Variants in PREP observed in about 807,000 individuals in gnomAD.
PREP encodes dJ355L5.1 (prolyl endopeptidase).
PREP carries 29 observed loss-of-function variants against 87.6 expected under a neutral mutation model. The ratio of observed to expected loss-of-function variants is 0.33; its 90% CI spans 0.25 to 0.45. The LOEUF is 0.45. Ranked by LOEUF, PREP falls within the 20% of genes least tolerant of loss-of-function variation. The pLI, the probability that PREP is intolerant of heterozygous loss-of-function variation, is 1.00. For missense variants in PREP, 695 were observed against 886.5 expected (o/e 0.78, Z 2.74); for synonymous variants, 337 against 328.6 (o/e 1.03, Z -0.28).
Position 105,278,482 on chromosome 6 carries a change from G to A in PREP, c.1839-44C>T. The A allele has an allele frequency of 1.3e-6, 2 of 1,557,770 alleles. No individual in the cohort carries two copies. Among genetic ancestry groups the A allele is most frequent in the Non-Finnish European group, 1.8e-6 (2 of 1,139,604 alleles). The stretch of plus-strand genomic sequence containing the variant: ...TTTGTGAGGCTGGAGAGCAACAGTA[G>A]AGTTTTATGGCACAGGGACCTAGGT... On this transcript the variant is annotated intron_variant, in intron 14 of 14. Transcript: ENST00000652536. The surrounding 1 kb of genome is among the most constrained non-coding windows in gnomAD (Gnocchi z 4.2).
In PREP at chr6:105,403,036, C is replaced by G. The variant is rs1253143313; in HGVS notation, c.-145G>C. 1 of 308,558 alleles carries G rather than the reference C, an allele frequency of 3.2e-6. No individual in the cohort carries two copies. The highest frequency in any genetic ancestry group is 5.8e-6 in the Non-Finnish European group (1 of 171,512). The allele number at this position is 308,558 out of a possible 1,614,324, so 19.1% of individuals were successfully genotyped here. On this transcript the variant is annotated 5_prime_UTR_variant, in exon 1 of 15. Transcript: ENST00000652536. ...GCGGGCGGCCGGCTCACGGCCAGAG[C>G]TAGCACAAACGGACTGGCGGCGCGG...
chr6:105,333,088 T>G (rs184993057), intron 8 of PREP, among the ~76,000 whole-genome samples: 3 of 152,350 alleles, frequency 2.0e-5, no homozygotes, highest in African/African-American at 7.2e-5. Flanking sequence ...AATCCTATCT[T>G]TACAATTTTT....
At chr6:105,346,990 C>T (rs935003726) in intron 7 of PREP, among the ~76,000 whole-genome samples, 2 of 152,018 alleles carry the variant, frequency 1.3e-5, no homozygotes, top group Admixed American at 1.3e-4. Flanking sequence ...ATCCTAGCTA[C>T]TTGAGAGGCT....
At chr6:105,321,911 G>A (rs955882426) in intron 10 of PREP, among the ~76,000 whole-genome samples, 1 of 152,148 alleles carries the variant, frequency 6.6e-6, no homozygotes, top group African/African-American at 2.4e-5. Context: ...CTGAGAGTGT[G>A]CTCTTGAGAG....
intron 10 of PREP, among the ~76,000 whole-genome samples, chr6:105,312,194 G>A (rs1294254406): frequency 2.6e-5 from 4 of 152,114 alleles, no homozygotes; most frequent in East Asian, 1.9e-4. Context: ...TACCTGAACT[G>A]AGATCAAAAA....
rs1176657575 is a variant in PREP, at chr6:105,273,945, C to G, written c.*4199G>C. ...CGGGTCTTTGTCCGAATGTTGCTTC[C>G]TGAAAGAGGCACCCTGACCTCGACT... On this transcript the variant is annotated 3_prime_UTR_variant, in exon 15 of 15. Transcript: ENST00000652536. Among the ~76,000 whole-genome samples, 1 of 152,210 alleles carries G rather than the reference C, an allele frequency of 6.6e-6. No homozygotes were observed. The highest frequency in any genetic ancestry group is 1.9e-4 in the East Asian group (1 of 5,196).
At chr6:105,354,167 A>G (rs945708414) in intron 6 of PREP, among the ~76,000 whole-genome samples, 3 of 152,202 alleles carry the variant, frequency 2.0e-5, no homozygotes, top group African/African-American at 4.8e-5. Context: ...CAATCCAGAA[A>G]TATACCACCA....
chr6:105,311,817 A>C (rs1770766580), intron 10 of PREP, among the ~76,000 whole-genome samples: 1 of 152,202 alleles, frequency 6.6e-6, no homozygotes, highest in African/African-American at 2.4e-5. Flanking sequence ...GAAGGCAAGG[A>C]AAGGCAGCCA....
intron 6 of PREP, among the ~76,000 whole-genome samples, chr6:105,364,967 C>T (rs889768199): frequency 3.9e-5 from 6 of 152,228 alleles, no homozygotes; most frequent in Non-Finnish European, 2.9e-5. Flanking sequence ...AAGAGGACTA[C>T]AGCTGGGCAC....
intron 6 of PREP, among the ~76,000 whole-genome samples, chr6:105,368,303 C>T (rs1772447052): frequency 6.6e-6 from 1 of 152,146 alleles, no homozygotes; most frequent in South Asian, 2.1e-4. Flanking sequence ...ACTCCAAGTA[C>T]CCCTAAGTTT....
chr6:105,323,062 A>C, intron 10 of PREP: 1 of 1,304,132 alleles, frequency 7.7e-7, no homozygotes. Context: ...CTTCGTCATC[A>C]TCAATCAACC....
At chr6:105,353,173 C>T in intron 6 of PREP, 96 bp from the exon 7 acceptor site, 1 of 971,712 alleles carries the variant, frequency 1.0e-6, no homozygotes, top group Non-Finnish European at 1.5e-6. Flanking sequence ...GGTTAATTTT[C>T]AAAGGCAGTG....
At chr6:105,373,236 T>G (rs1772602447) in intron 5 of PREP, 133 bp downstream of exon 5, 2 of 983,638 alleles carry the variant, frequency 2.0e-6, no homozygotes, top group Non-Finnish European at 3.1e-6. Flanking sequence ...CAAAGCCAAC[T>G]GATACAACAT....
chr6:105,399,163 A>G (rs1773359497), intron 1 of PREP, among the ~76,000 whole-genome samples: 1 of 152,208 alleles, frequency 6.6e-6, no homozygotes, highest in East Asian at 1.9e-4. Context: ...TGTCTTGCCA[A>G]TCAAGTCTCT....
chr6:105,366,804 A>G (rs74519810), intron 6 of PREP, among the ~76,000 whole-genome samples: 9,080 of 152,270 alleles, frequency 0.06, 299 homozygotes, highest in African/African-American at 0.091. Flanking sequence ...TGAAGATGTT[A>G]CGCTAAATGA....
intron 10 of PREP, among the ~76,000 whole-genome samples, chr6:105,320,575 A>T (rs1346587086): frequency 6.6e-6 from 1 of 152,204 alleles, no homozygotes; most frequent in African/African-American, 2.4e-5. Flanking sequence ...ACCACCAGGT[A>T]GGCAGTGCCA....
At chr6:105,350,485 T>C (rs1017436742) in intron 7 of PREP, among the ~76,000 whole-genome samples, 1 of 152,214 alleles carries the variant, frequency 6.6e-6, no homozygotes, top group African/African-American at 2.4e-5. Context: ...AGGAACCATT[T>C]TTTTTCTTAA....
At chr6:105,392,044 T>TC (rs1041112081) in intron 2 of PREP, among the ~76,000 whole-genome samples, 1 of 64,102 alleles carries the variant, frequency 1.6e-5, no homozygotes, top group Non-Finnish European at 2.7e-5. Flanking sequence ...TCTTCAAATC[T>TC]TTTTTTTTTT....
rs746541633 is a variant in PREP, at chr6:105,274,999, G to A, written c.*3145C>T. Among the ~76,000 whole-genome samples, 2 of 152,178 alleles carry A rather than the reference G, an allele frequency of 1.3e-5. No individual in the cohort carries two copies. Among genetic ancestry groups the A allele is most frequent in the Non-Finnish European group, 2.9e-5 (2 of 68,028 alleles). Reference sequence around the variant, plus strand: ...CTCCTCCCTGGAATATCAACTGGATGAGGGCAGGACATTTTCTCTCTGCAC... The same window carrying A: ...CTCCTCCCTGGAATATCAACTGGATAAGGGCAGGACATTTTCTCTCTGCAC... On this transcript the variant is annotated 3_prime_UTR_variant, in exon 15 of 15. Coordinates refer to ENST00000652536, the MANE Select transcript of PREP (RefSeq NM_002726.5).
Sources: gnomAD v4.1 joint callset for allele counts (sites outside exome capture counted in the v4.1 genomes callset) on GRCh38, gnomAD v4.1.1 for gene constraint, Gnocchi (gnomAD v3.1) non-coding constraint, MANE v1.5 for transcripts, NCBI Gene and HGNC (gene_info 2026-07-23, HGNC 2026-07-21) for gene names.